DAPK2: variants seen among roughly 807,000 people sequenced by gnomAD.
DAPK2 encodes the protein death associated protein kinase 2, also known as death-associated protein kinase 2.
Under a neutral mutation model 44.1 loss-of-function variants are expected in DAPK2, and 35 were observed. The observed-to-expected ratio is 0.79, with a 90% CI of 0.61 to 1.05. DAPK2 has a LOEUF of 1.05. Among genes scored for constraint, DAPK2 ranks in the 50% least tolerant of loss-of-function variants. The pLI is 0.00. For synonymous variants in DAPK2, 174 were observed against 182.6 expected (o/e 0.95, Z 0.38); for missense variants, 453 against 483.2 (o/e 0.94, Z 0.59).
upstream of DAPK2, among the ~76,000 whole-genome samples, chr15:64,044,344 C>A (rs908134938): frequency 3.3e-5 from 5 of 152,186 alleles, no homozygotes; most frequent in African/African-American, 4.8e-5. Flanking sequence ...CCCCATAGAT[C>A]ATCTATTTAG....
intron 1 of DAPK2, among the ~76,000 whole-genome samples, chr15:64,035,237 A>G (rs2080146490): frequency 2.0e-5 from 3 of 152,132 alleles, no homozygotes. Flanking sequence ...ACTCTTCATT[A>G]TATGCTGCTT....
At chr15:63,979,516 A>G (rs1002971871) in intron 2 of DAPK2, among the ~76,000 whole-genome samples, 11 of 152,218 alleles carry the variant, frequency 7.2e-5, no homozygotes, top group Non-Finnish European at 1.2e-4. Flanking sequence ...GTAGGTGGAT[A>G]CTAACACTTA....
At chr15:63,952,470 C>T (rs1210890138) in intron 3 of DAPK2, among the ~76,000 whole-genome samples, 1 of 152,014 alleles carries the variant, frequency 6.6e-6, no homozygotes, top group Non-Finnish European at 1.5e-5. Flanking sequence ...GGGTATGTAT[C>T]TGTATCTTGT....
rs532959812 is a variant in DAPK2, at chr15:64,039,145, C to G, written c.92+1025G>C. 7.9e-4 allele frequency among the ~76,000 whole-genome samples: 121 copies of G among 152,312 alleles called. 3 individuals carry two copies. In the South Asian group the frequency reaches 0.023, roughly 30 times the overall value. On this transcript the variant is annotated intron_variant, in intron 1 of 10. Coordinates refer to ENST00000261891, the Ensembl canonical transcript of DAPK2. ...ACAACTTTGGGCACAGGTCCTGAGG[C>G]TGTCATGGGCATGCGTCCTCAATCT...
chr15:64,023,122 G>A (rs1164006195), intron 1 of DAPK2, among the ~76,000 whole-genome samples: 1 of 152,120 alleles, frequency 6.6e-6, no homozygotes, highest in Non-Finnish European at 1.5e-5. Flanking sequence ...TCTTCTCTTT[G>A]TCAAGGGGCG....
At position 63,995,842 on chromosome 15, in the gene DAPK2, G is replaced by A. The variant is rs2078937731; in HGVS notation, c.93-12088C>T. ...CACAGCTGTGAGGCAACCAGCACAA[G>A]ACCCCTTTAGAGAGGCAAAGCATCT... On this transcript the variant is annotated intron_variant, in intron 1 of 10. Transcript: ENST00000261891. Among the ~76,000 whole-genome samples the A allele has an allele frequency of 2.0e-5, 3 of 152,228 alleles. No homozygotes were observed. In the South Asian group the frequency reaches 6.2e-4, roughly 32 times the overall value.
At position 64,013,251 on chromosome 15, in the gene DAPK2, T is replaced by C. The variant is rs961708440; in HGVS notation, c.92+26919A>G. Among the ~76,000 whole-genome samples, 5 of 152,224 alleles carry C rather than the reference T, an allele frequency of 3.3e-5. No individual in the cohort carries two copies. Among genetic ancestry groups the C allele is most frequent in the African/African-American group, 1.2e-4 (5 of 41,452 alleles). On this transcript the variant is annotated intron_variant, in intron 1 of 10. Transcript: ENST00000261891. The surrounding 1 kb of genome is among the most constrained non-coding windows in gnomAD (Gnocchi z 4.7). ...AACTCCCTTGTTCTGCATGGGATTA[T>C]GGAAATGGGGTAACCTGCCATTATC... is the stretch of plus-strand genomic sequence containing the variant.
At chr15:64,007,531 G>A (rs1304989020) in intron 1 of DAPK2, among the ~76,000 whole-genome samples, 1 of 152,186 alleles carries the variant, frequency 6.6e-6, no homozygotes, top group Non-Finnish European at 1.5e-5. Context: ...TGGGAAGGCA[G>A]GCACAGGTCC....
chr15:63,972,351 T>C (rs7182498), intron 2 of DAPK2, among the ~76,000 whole-genome samples: 78,492 of 152,022 alleles, frequency 0.52, 21,141 homozygotes, highest in East Asian at 0.96. Flanking sequence ...GGGTGCCAAC[T>C]AGAAAAAGCC....
chr15:63,922,219 C>T (rs2079094261), intron 8 of DAPK2: 2 of 925,890 alleles, frequency 2.2e-6, no homozygotes, highest in African/African-American at 3.6e-5. Flanking sequence ...ATTTGTCAGA[C>T]ATGAGTGCTT....
chr15:63,984,502 C>T (rs897060024), intron 1 of DAPK2, among the ~76,000 whole-genome samples: 4 of 152,158 alleles, frequency 2.6e-5, no homozygotes, highest in Non-Finnish European at 2.9e-5. Context: ...AGCCAGCTTC[C>T]CTGAGTGCTC....
At chr15:63,979,912 C>T (rs578003648) in intron 2 of DAPK2, among the ~76,000 whole-genome samples, 3 of 151,804 alleles carry the variant, frequency 2.0e-5, no homozygotes, top group Non-Finnish European at 4.4e-5. Flanking sequence ...AAGACTCCAT[C>T]TCAAAAAACA....
intron 2 of DAPK2, among the ~76,000 whole-genome samples, chr15:63,981,785 C>T (rs1194130606): frequency 6.6e-6 from 1 of 152,046 alleles, no homozygotes; most frequent in Admixed American, 6.6e-5. Flanking sequence ...CTGGGTCACG[C>T]AGGGCAGGCA....
In DAPK2 at chr15:64,045,638, T is replaced by C. The variant is rs146040740; in HGVS notation, c.-7+660A>G. Among the ~76,000 whole-genome samples, 17 of 152,306 alleles carry C rather than the reference T, an allele frequency of 1.1e-4. No homozygotes were observed. In the East Asian group the frequency reaches 3.1e-3, roughly 28 times the overall value. On this transcript the variant is annotated intron_variant, in intron 1 of 11. Coordinates refer to the DAPK2 transcript ENST00000457488. ...TCTTTTGTAAAGTAAGAATACCAAT[T>C]TCCACCGTGCAGAGTTACGGTGAGG...
chr15:64,044,223 T>A (rs992919724), upstream of DAPK2, among the ~76,000 whole-genome samples: 1 of 152,196 alleles, frequency 6.6e-6, no homozygotes, highest in Admixed American at 6.5e-5. Context: ...CCCAGGATGA[T>A]ACCCACCTTA....
chr15:64,028,045 T>TCTGTCTAC (rs1567283544), intron 1 of DAPK2, among the ~76,000 whole-genome samples: 2 of 151,914 alleles, frequency 1.3e-5, no homozygotes, highest in East Asian at 3.9e-4. Flanking sequence ...TATCTATCTA[T>TCTGTCTAC]CTATCTATCT....
intron 6 of DAPK2, among the ~76,000 whole-genome samples, chr15:63,928,022 A>G (rs892454075): frequency 6.6e-6 from 1 of 152,222 alleles, no homozygotes; most frequent in South Asian, 2.1e-4. Flanking sequence ...TGCTGGGATT[A>G]CATGGGATCC....
At position 63,986,447 on chromosome 15, in the gene DAPK2, T is replaced by C. The variant is rs146725738; in HGVS notation, c.93-2693A>G. On this transcript the variant is annotated intron_variant, in intron 1 of 10. Transcript: ENST00000261891. ...GTTTAATTTTATTTATTTTTAGAGA[T>C]GGGGTCTGGCTCTGCTGCCCCGGCT... Among the ~76,000 whole-genome samples, 258 of 152,256 alleles carry C rather than the reference T, an allele frequency of 1.7e-3. 4 individuals carry two copies. The East Asian group carries it at 0.037, about 22-fold the overall frequency.
At chr15:64,000,571 T>A (rs1164750191) in intron 1 of DAPK2, among the ~76,000 whole-genome samples, 2 of 152,186 alleles carry the variant, frequency 1.3e-5, no homozygotes, top group African/African-American at 4.8e-5. Flanking sequence ...TTAACATGAC[T>A]GAATTAGACT....
Sources: allele counts gnomAD v4.1 joint callset (sites outside exome capture counted in the v4.1 genomes callset), GRCh38; gene constraint gnomAD v4.1.1; non-coding constraint Gnocchi (gnomAD v3.1); transcripts MANE v1.5; gene names NCBI Gene and HGNC (gene_info 2026-07-23, HGNC 2026-07-21).